STK31: variants seen among roughly 807,000 people sequenced by gnomAD.
STK31 encodes serine/threonine-protein kinase 31.
STK31 carries 89 observed loss-of-function variants against 129.7 expected under a neutral mutation model. The observed-to-expected ratio is 0.69, with a 90% CI of 0.58 to 0.82. The LOEUF is 0.82. Among genes scored for constraint, STK31 ranks in the 40% least tolerant of loss-of-function variants. STK31 has a pLI of 0.00. For synonymous variants in STK31, 448 were observed against 395.3 expected, an observed-to-expected ratio of 1.13 and a Z score of -1.58; for missense variants, 1,187 against 1,176.4, an observed-to-expected ratio of 1.01 and a Z score of -0.13.
intron 22 of STK31, among the ~76,000 whole-genome samples, chr7:23,799,935 G>A (rs959199984): frequency 2.5e-4 from 38 of 152,064 alleles, no homozygotes; most frequent in Admixed American, 1.3e-3. Flanking sequence ...GATATAAACC[G>A]ACACTTCTCA....
At chr7:23,825,810 G>A (rs373596862) in intron 23 of STK31, among the ~76,000 whole-genome samples, 22 of 152,062 alleles carry the variant, frequency 1.4e-4, no homozygotes, top group Middle Eastern at 3.4e-3. Context: ...CTTTGTTCTC[G>A]TTGGTTTCAA....
chr7:23,736,789 T>G, intron 7 of STK31, 115 bp from the exon 8 acceptor site: 1 of 831,050 alleles, frequency 1.2e-6, no homozygotes, highest in Non-Finnish European at 1.7e-6. Context: ...ATTTTAGTTT[T>G]CAAAATTAAC....
chr7:23,818,432 A>C (rs1470956420), intron 23 of STK31, among the ~76,000 whole-genome samples: 1 of 152,126 alleles, frequency 6.6e-6, no homozygotes, highest in East Asian at 1.9e-4. Context: ...TTTGATTGTC[A>C]CAGTAAGATT....
chr7:23,763,692 C>T (rs1019765656), intron 11 of STK31, among the ~76,000 whole-genome samples: 6 of 152,078 alleles, frequency 3.9e-5, no homozygotes, highest in Middle Eastern at 3.2e-3. Flanking sequence ...CTGCTGATCT[C>T]TCTTTTAGTT....
intron 8 of STK31, among the ~76,000 whole-genome samples, chr7:23,744,318 A>T (rs1292609795): frequency 3.4e-5 from 5 of 147,218 alleles, no homozygotes; most frequent in Non-Finnish European, 3.0e-5. Context: ...AATGATACCT[A>T]TTTGGTAAAT....
At chr7:23,766,122 C>T (rs1228495968) in intron 11 of STK31, among the ~76,000 whole-genome samples, 1 of 151,940 alleles carries the variant, frequency 6.6e-6, no homozygotes, top group Non-Finnish European at 1.5e-5. Flanking sequence ...TTTGATTTTG[C>T]GAGTTATTTG....
rs887708976 is a variant in STK31, at chr7:23,769,280, A to C, written c.1596+106A>C. 7.2e-6 allele frequency: 8 copies of C among 1,109,956 alleles called. No homozygotes were observed. The African/African-American group carries it at 1.3e-4, about 18-fold the overall frequency. 68.8% of individuals were successfully genotyped at this position (1,109,956 alleles called of 1,614,324 possible). A position where few individuals can be genotyped will look rare whatever the true frequency, so the allele number is the denominator to read the frequency against. On this transcript the variant is annotated intron_variant, in intron 12 of 23. Coordinates refer to ENST00000355870, the MANE Select transcript of STK31 (RefSeq NM_031414.5). Reference sequence around the variant, plus strand: ...AGCTGACATCATCTACCTACTATGTATCAGATTTAAAATTGCCACCTTACC... The same window carrying C: ...AGCTGACATCATCTACCTACTATGTCTCAGATTTAAAATTGCCACCTTACC...
chr7:23,712,629 AAGATTGTTTCTTGAAGG>A (rs1786044037), intron 3 of STK31, among the ~76,000 whole-genome samples: 1 of 152,144 alleles, frequency 6.6e-6, no homozygotes, highest in African/African-American at 2.4e-5. Context: ...GGTCTTTTAT[AAGATTGTTTCTTGAAGG>A]AGGATAAGTT....
chr7:23,730,878 A>ATATTTT, intron 6 of STK31, among the ~76,000 whole-genome samples: 2 of 59,542 alleles, frequency 3.4e-5, no homozygotes, highest in East Asian at 4.5e-4. Context: ...ATATATATAT[A>ATATTTT]TTTTTTTTTT....
chr7:23,784,130 C>T (rs752097039), intron 17 of STK31, among the ~76,000 whole-genome samples: 9 of 152,008 alleles, frequency 5.9e-5, no homozygotes, highest in Non-Finnish European at 8.8e-5. Flanking sequence ...GATTCAAAAG[C>T]TGGAGATCAG....
intron 23 of STK31, among the ~76,000 whole-genome samples, chr7:23,821,016 A>G (rs957281888): frequency 2.6e-5 from 4 of 152,120 alleles, no homozygotes; most frequent in South Asian, 2.1e-4. Flanking sequence ...CAGGTTTCAT[A>G]TACTGATTTC....
In STK31 at chr7:23,818,628, A is replaced by AC. The variant is rs940334246; in HGVS notation, c.2829+3416_2829+3417insC. On this transcript the variant is annotated intron_variant, in intron 23 of 23. Transcript: ENST00000355870. ...TGCTTTTTTGTTTTGTTAAAAAAAAAAACAACAAAAAGCAACAAAAAAATA... is the reference window on the plus strand; with the variant it reads ...TGCTTTTTTGTTTTGTTAAAAAAAAACAACAACAAAAAGCAACAAAAAAATA... 4.9e-4 allele frequency among the ~76,000 whole-genome samples: 74 copies of AC among 150,076 alleles called. 1 individual carries two copies. The highest frequency in any genetic ancestry group is 1.7e-3 in the African/African-American group (70 of 40,308).
chr7:23,801,608 C>G (rs1206882076), intron 22 of STK31, among the ~76,000 whole-genome samples: 1 of 152,028 alleles, frequency 6.6e-6, no homozygotes, highest in East Asian at 1.9e-4. Context: ...TATAAGAACT[C>G]TTCGCATAAC....
chr7:23,791,905 A>G (rs979850609), intron 22 of STK31, among the ~76,000 whole-genome samples: 1 of 152,246 alleles, frequency 6.6e-6, no homozygotes, highest in Non-Finnish European at 1.5e-5. Context: ...GAAAGCAGCC[A>G]TAGACAGTAT....
At chr7:23,717,117 T>A (rs1562543466) in intron 3 of STK31, among the ~76,000 whole-genome samples, 1 of 144,190 alleles carries the variant, frequency 6.9e-6, no homozygotes, top group African/African-American at 2.6e-5. Flanking sequence ...TTTTTTTTTT[T>A]TTTTTTTTAG....
intron 4 of STK31, among the ~76,000 whole-genome samples, 172 bp downstream of exon 4, chr7:23,717,751 A>G (rs1013639481): frequency 6.6e-6 from 1 of 152,206 alleles, no homozygotes; most frequent in African/African-American, 2.4e-5. Flanking sequence ...TTATGGACTG[A>G]ATATTACTCA....
chr7:23,798,434 G>A (rs10215122), intron 22 of STK31, among the ~76,000 whole-genome samples: 13 of 117,488 alleles, frequency 1.1e-4, no homozygotes, highest in Admixed American at 9.5e-5. Flanking sequence ...TGGGATGCAA[G>A]GCTGGTTCAA....
At chr7:23,761,648 TC>T (rs1377436346) in intron 10 of STK31, among the ~76,000 whole-genome samples, 3 of 151,628 alleles carry the variant, frequency 2.0e-5, no homozygotes, top group Non-Finnish European at 4.4e-5. Flanking sequence ...GACCTCATGA[TC>T]CGCCTGCCTC....
rs149889483 is a variant in STK31, at chr7:23,798,817, C to T, written c.2760+7871C>T. 6.6e-5 allele frequency among the ~76,000 whole-genome samples: 10 copies of T among 152,284 alleles called. No homozygotes were observed. In the East Asian group the frequency reaches 1.9e-3, roughly 29 times the overall value. ...GAGACAGTCAAAGTCTGTCTGTGTG[C>T]AGATGACATGATTGTATATTTAGAA... is the stretch of plus-strand genomic sequence containing the variant. On this transcript the variant is annotated intron_variant, in intron 22 of 23. Transcript: ENST00000355870.
Sources: gnomAD v4.1 joint callset for allele counts (sites outside exome capture counted in the v4.1 genomes callset) on GRCh38, gnomAD v4.1.1 for gene constraint, MANE v1.5 for transcripts, NCBI Gene and HGNC (gene_info 2026-07-23, HGNC 2026-07-21) for gene names.